Variants in NXPH1 observed in about 807,000 individuals in gnomAD.
NXPH1 encodes the protein neurexophilin 1.
A neutral mutation model predicts 23.7 loss-of-function variants in NXPH1; 5 were observed. That is an observed-to-expected ratio of 0.21 (90% CI 0.11 to 0.44). The LOEUF is 0.44. NXPH1 is among the 20% of genes least tolerant of loss of function. The pLI, the probability that NXPH1 is intolerant of heterozygous loss-of-function variation, is 0.99. For missense variants in NXPH1, 324 were observed against 321.6 expected, an observed-to-expected ratio of 1.01 and a Z score of -0.06; for synonymous variants, 144 against 122.2, an observed-to-expected ratio of 1.18 and a Z score of -1.18.
intron 2 of NXPH1, among the ~76,000 whole-genome samples, chr7:8,525,639 T>C (rs988960693): frequency 2.0e-5 from 3 of 152,118 alleles, no homozygotes; most frequent in South Asian, 2.1e-4. Flanking sequence ...GCTAGGGACA[T>C]GGTACCCTGT....
chr7:8,486,406 G>C (rs377693325), intron 2 of NXPH1, among the ~76,000 whole-genome samples: 2 of 152,154 alleles, frequency 1.3e-5, no homozygotes, highest in Non-Finnish European at 2.9e-5. Flanking sequence ...GCAGATAAAG[G>C]CTGGCCTATT....
At chr7:8,610,319 CT>C (rs1819588610) in intron 2 of NXPH1, among the ~76,000 whole-genome samples, 2 of 152,248 alleles carry the variant, frequency 1.3e-5, no homozygotes, top group Non-Finnish European at 2.9e-5. Flanking sequence ...GGAATTTGCA[CT>C]GAATTAGCTA....
intron 2 of NXPH1, among the ~76,000 whole-genome samples, chr7:8,507,188 G>T (rs968929250): frequency 1.3e-5 from 2 of 151,640 alleles, no homozygotes; most frequent in African/African-American, 4.9e-5. Context: ...TATATTTGGG[G>T]GTGGCGTGGG....
At chr7:8,669,901 A>G (rs186261970) in intron 2 of NXPH1, among the ~76,000 whole-genome samples, 7 of 152,314 alleles carry the variant, frequency 4.6e-5, no homozygotes, top group Non-Finnish European at 1.0e-4. Context: ...AAATATTTTC[A>G]TGCAGGGATA....
chr7:8,728,769 A>G (rs1780100080), intron 2 of NXPH1, among the ~76,000 whole-genome samples: 1 of 152,214 alleles, frequency 6.6e-6, no homozygotes, highest in Admixed American at 6.5e-5. Flanking sequence ...TTTTGCATCA[A>G]TATTCATCAA....
intron 2 of NXPH1, among the ~76,000 whole-genome samples, chr7:8,638,254 T>C (rs1820250572): frequency 6.6e-6 from 1 of 152,116 alleles, no homozygotes; most frequent in Non-Finnish European, 1.5e-5. Flanking sequence ...GGCAACCACA[T>C]CCGACAGCTA....
intron 2 of NXPH1, among the ~76,000 whole-genome samples, chr7:8,668,150 T>C (rs867524694): frequency 6.6e-6 from 1 of 152,122 alleles, no homozygotes; most frequent in Non-Finnish European, 1.5e-5. Context: ...CCAGACTTTC[T>C]TAAAATAATT....
At chr7:8,455,487 G>A (rs1816579172) in intron 2 of NXPH1, among the ~76,000 whole-genome samples, 1 of 152,160 alleles carries the variant, frequency 6.6e-6, no homozygotes, top group Non-Finnish European at 1.5e-5. Flanking sequence ...TAGCAGAAGG[G>A]TGAAAGGTAA....
At chr7:8,624,500 T>C (rs749935971) in intron 2 of NXPH1, among the ~76,000 whole-genome samples, 54 of 151,836 alleles carry the variant, frequency 3.6e-4, no homozygotes, top group Non-Finnish European at 5.7e-4. Flanking sequence ...GAAATGCCCA[T>C]ATTTAGGTGG....
chr7:8,571,554 G>A (rs1261241466), intron 2 of NXPH1, among the ~76,000 whole-genome samples: 1 of 151,774 alleles, frequency 6.6e-6, no homozygotes, highest in African/African-American at 2.4e-5. Flanking sequence ...TCTTAAGAAA[G>A]CGGTTATCTT....
At chr7:8,519,729 G>T (rs1292938574) in intron 2 of NXPH1, among the ~76,000 whole-genome samples, 1 of 152,088 alleles carries the variant, frequency 6.6e-6, no homozygotes. Context: ...CCATGCATGG[G>T]CTGAAGGATG....
At chr7:8,565,826 C>G (rs1410312762) in intron 2 of NXPH1, among the ~76,000 whole-genome samples, 4 of 151,730 alleles carry the variant, frequency 2.6e-5, no homozygotes, top group African/African-American at 7.3e-5. Flanking sequence ...CTTTCTATTT[C>G]TATGATTCCT....
rs199519897 is a variant in NXPH1 at position 8,518,852 on chromosome 7, T to C, written c.54+83085T>C. 5.6e-4 allele frequency among the ~76,000 whole-genome samples: 85 copies of C among 152,292 alleles called. 1 individual carries two copies. In the East Asian group the frequency reaches 0.016, roughly 28 times the overall value. On this transcript the variant is annotated intron_variant, in intron 2 of 2. Transcript: ENST00000405863. ...TGCTTAAACCTAACAGTTTCCACTG[T>C]TGAAGTAATATAGGGGCAAGTTCTT...
intron 2 of NXPH1, among the ~76,000 whole-genome samples, chr7:8,471,561 T>C (rs1816872541): frequency 6.6e-6 from 1 of 152,116 alleles, no homozygotes; most frequent in South Asian, 2.1e-4. Flanking sequence ...ACTCATTTTG[T>C]TGCTTCCTAC....
At chr7:8,557,827 C>T (rs949776886) in intron 2 of NXPH1, among the ~76,000 whole-genome samples, 2 of 151,684 alleles carry the variant, frequency 1.3e-5, no homozygotes, top group East Asian at 2.0e-4. Context: ...CCATATTTTC[C>T]TCCTTGTGCT....
chr7:8,587,956 T>C (rs2128624895), intron 2 of NXPH1, among the ~76,000 whole-genome samples: 1 of 152,192 alleles, frequency 6.6e-6, no homozygotes, highest in African/African-American at 2.4e-5. Flanking sequence ...CAGACACTTC[T>C]CAAAAGAAGA....
intron 2 of NXPH1, among the ~76,000 whole-genome samples, chr7:8,519,798 C>A (rs1210710739): frequency 1.3e-5 from 2 of 151,696 alleles, no homozygotes; most frequent in East Asian, 3.9e-4. Flanking sequence ...TGTTTGTTAA[C>A]AAGAAAAAAA....
intron 2 of NXPH1, among the ~76,000 whole-genome samples, chr7:8,543,355 T>G (rs1241385689): frequency 1.3e-5 from 2 of 151,714 alleles, no homozygotes; most frequent in African/African-American, 4.8e-5. Context: ...GATGTGTCAC[T>G]TATGTTTCTT....
chr7:8,521,623 T>C (rs771844735), intron 2 of NXPH1, among the ~76,000 whole-genome samples: 6 of 152,196 alleles, frequency 3.9e-5, no homozygotes, highest in Non-Finnish European at 8.8e-5. Flanking sequence ...CACTGGACTT[T>C]ATGTGAGTGA....
Sources: gnomAD v4.1 joint callset for allele counts (sites outside exome capture counted in the v4.1 genomes callset) on GRCh38, gnomAD v4.1.1 for gene constraint, MANE v1.5 for transcripts, NCBI Gene and HGNC (gene_info 2026-07-23, HGNC 2026-07-21) for gene names.